Variants in UNC13B observed in about 807,000 individuals in gnomAD.
The protein encoded by UNC13B is unc-13 homolog B, also known as protein unc-13 homolog B.
In UNC13B, 144 loss-of-function variants were observed where a neutral mutation model predicts 211.0. The ratio of observed to expected loss-of-function variants is 0.68; its 90% confidence interval spans 0.60 to 0.78. The LOEUF is 0.78. Among genes scored for constraint, UNC13B ranks in the 30% least tolerant of loss-of-function variants. The probability of loss-of-function intolerance (pLI) is 0.00; values close to 1 mark genes in which losing one functional copy is unlikely to be tolerated. For synonymous variants in UNC13B, 709 were observed against 725.8 expected, an observed-to-expected ratio of 0.98 and a Z score of 0.37; for missense variants, 1,777 against 2,002.0, an observed-to-expected ratio of 0.89 and a Z score of 2.14.
chr9:35,295,852 T>G lies in UNC13B; in HGVS notation c.683T>G (p.Leu228Arg). 1 of 1,614,144 alleles carries G rather than the reference T, an allele frequency of 6.2e-7. No homozygotes were observed. The highest frequency in any genetic ancestry group is 1.3e-5 in the African/African-American group (1 of 75,024). Residue 228 changes from leucine to arginine, a missense_variant, in exon 8 of 40, where the codon CTT (leucine) becomes CGT (arginine). By Grantham distance (102) the Leu-to-Arg change is moderately radical (BLOSUM62 -2). Coordinates refer to ENST00000635942, the MANE Select transcript of UNC13B (RefSeq NM_001371189.2). ...GTGCGATCGCCACAGCAGCTGCTAC[T>G]TCAAGGCAGTTCCCGGGACTCTTGT... ...VPVRSPQQLL[L>R]QGSSRDSCND...
chr9:35,347,627 T>C (rs1832446577), intron 11 of UNC13B, among the ~76,000 whole-genome samples: 2 of 152,226 alleles, frequency 1.3e-5, no homozygotes, highest in Admixed American at 6.5e-5. Flanking sequence ...GAAGAGATTC[T>C]TGAGTTCAAA....
At chr9:35,308,533 C>G in intron 9 of UNC13B, 121 bp downstream of exon 9, 1 of 396,546 alleles carries the variant, frequency 2.5e-6, no homozygotes, top group Non-Finnish European at 4.4e-6. Context: ...TTCCTAGTAC[C>G]CGAGCTTCAT....
intron 7 of UNC13B, among the ~76,000 whole-genome samples, chr9:35,294,759 G>A (rs1033907361): frequency 2.0e-5 from 3 of 152,172 alleles, no homozygotes; most frequent in African/African-American, 7.2e-5. Flanking sequence ...ACACATAAGG[G>A]TATGGTGTCA....
intron 24 of UNC13B, among the ~76,000 whole-genome samples, chr9:35,389,054 A>T (rs1215696631): frequency 6.6e-6 from 1 of 152,216 alleles, no homozygotes; most frequent in Non-Finnish European, 1.5e-5. Flanking sequence ...TTCCAGTGAC[A>T]TATGACATCC....
chr9:35,260,532 C>T (rs1827214879), intron 7 of UNC13B, among the ~76,000 whole-genome samples: 1 of 152,110 alleles, frequency 6.6e-6, no homozygotes, highest in Admixed American at 6.6e-5. Context: ...AAAGGAAAAC[C>T]TTTGTCCATG....
intron 7 of UNC13B, among the ~76,000 whole-genome samples, chr9:35,282,810 G>A (rs1326428458): frequency 2.0e-5 from 3 of 151,784 alleles, no homozygotes; most frequent in Non-Finnish European, 4.4e-5. Flanking sequence ...TTTGTTTATT[G>A]AAGAAATCAG....
At chr9:35,263,136 C>T (rs943576989) in intron 7 of UNC13B, among the ~76,000 whole-genome samples, 3 of 152,048 alleles carry the variant, frequency 2.0e-5, no homozygotes, top group Non-Finnish European at 2.9e-5. Flanking sequence ...GACTCAGCAG[C>T]TGAATTTCTG....
At position 35,386,171 on chromosome 9, in the gene UNC13B, G is replaced by T; in HGVS notation, c.10972G>T (p.Glu3658Ter). The T allele has an allele frequency of 6.2e-7, 1 of 1,614,118 alleles. No homozygotes were observed. Among genetic ancestry groups the T allele is most frequent in the East Asian group, 2.2e-5 (1 of 44,882 alleles). Reference sequence around the variant, plus strand: ...TTCTTCTTTTAATTGGCAGGTACAAGAACTGCAAAGCCCTCCAAGAGCCAG... The same window carrying T: ...TTCTTCTTTTAATTGGCAGGTACAATAACTGCAAAGCCCTCCAAGAGCCAG... ...SITFFRMKVQ[E>*]LQSPPRASQV... The change falls in exon 24 of 40, where the codon GAA becomes TAA. Residue 3658 changes from glutamate (E) to a stop codon, truncating the protein, a stop_gained. Coordinates refer to ENST00000635942, the MANE Select transcript of UNC13B (RefSeq NM_001371189.2). LOFTEE classifies it high-confidence loss of function.
In UNC13B at chr9:35,303,311, T is replaced by C. The variant is rs1157355147; in HGVS notation, c.3907T>C (p.Leu1303=). ...HCAPSAQLGF[L]EKSMAKRQMP... Reference sequence around the variant, plus strand: ...TGCTCCAAGTGCTCAGCTAGGTTTTTTGGAGAAATCTATGGCTAAGAGGCA... The same window carrying C: ...TGCTCCAAGTGCTCAGCTAGGTTTTCTGGAGAAATCTATGGCTAAGAGGCA... Residue 1303 remains leucine (L), a synonymous_variant, in exon 9 of 40, where the codon TTG becomes CTG. Transcript: ENST00000635942. The C allele has an allele frequency of 2.5e-6, 1 of 398,660 alleles. No individual in the cohort carries two copies. Among genetic ancestry groups the C allele is most frequent in the Non-Finnish European group, 4.4e-6 (1 of 225,834 alleles). The allele number at this position is 398,660 out of a possible 1,614,324, so 24.7% of individuals were successfully genotyped here. A position where few individuals can be genotyped will look rare whatever the true frequency, so the allele number is the denominator to read the frequency against.
chr9:35,187,186 C>T (rs1409183098), intron 1 of UNC13B, among the ~76,000 whole-genome samples: 1 of 152,104 alleles, frequency 6.6e-6, no homozygotes, highest in Admixed American at 6.6e-5. Context: ...TTTTACTTGC[C>T]AAGATATAGA....
intron 9 of UNC13B, among the ~76,000 whole-genome samples, chr9:35,309,834 C>T (rs1830099493): frequency 6.6e-6 from 1 of 152,192 alleles, no homozygotes; most frequent in African/African-American, 2.4e-5. Context: ...ATCATTGTAG[C>T]ATTTATGTTG....
At chr9:35,294,931 T>C (rs1377635164) in intron 7 of UNC13B, among the ~76,000 whole-genome samples, 1 of 152,196 alleles carries the variant, frequency 6.6e-6, no homozygotes, top group Non-Finnish European at 1.5e-5. Flanking sequence ...TTCTACGAAA[T>C]TGTAGTCACT....
intron 22 of UNC13B, 72 bp downstream of exon 22, chr9:35,384,386 T>G: frequency 6.5e-7 from 1 of 1,546,944 alleles, no homozygotes; most frequent in East Asian, 2.3e-5. Context: ...TAGGCCAATC[T>G]TGGCTATAAA....
Position 35,378,330 on chromosome 9 carries a change from A to G in UNC13B, c.10099A>G (p.Thr3367Ala). 6.2e-7 allele frequency: 1 copy of G among 1,614,140 alleles called. No homozygotes were observed. Among genetic ancestry groups the G allele is most frequent in the East Asian group, 2.2e-5 (1 of 44,882 alleles). ...CCAGGGCCTACAAGCCAAGGACAAA[A>G]CAGGATCCAGTGACCCTTACGTGAC... is the stretch of plus-strand genomic sequence containing the variant. ...CAQGLQAKDK[T>A]GSSDPYVTVQ... Residue 3367 changes from threonine (T) to alanine (A), a missense_variant, in exon 17 of 40, where the codon ACA becomes GCA. By Grantham distance (58) the Thr-to-Ala change is moderately conservative (BLOSUM62 0). Coordinates refer to ENST00000635942, the MANE Select transcript of UNC13B (RefSeq NM_001371189.2).
At chr9:35,378,720 T>G (rs1442807933) in intron 17 of UNC13B, among the ~76,000 whole-genome samples, 4 of 152,144 alleles carry the variant, frequency 2.6e-5, no homozygotes, top group Non-Finnish European at 5.9e-5. Flanking sequence ...TTTACTACTT[T>G]ACTGCTCAGT....
At chr9:35,368,313 G>A in intron 12 of UNC13B, among the ~76,000 whole-genome samples, 1 of 152,174 alleles carries the variant, frequency 6.6e-6, no homozygotes, top group Admixed American at 6.5e-5. Context: ...TGCAGTGTTT[G>A]GTTTTCTGTT....
chr9:35,281,602 A>G (rs920467305), intron 7 of UNC13B, among the ~76,000 whole-genome samples: 1 of 152,234 alleles, frequency 6.6e-6, no homozygotes, highest in Non-Finnish European at 1.5e-5. Flanking sequence ...AGAGGAAATG[A>G]TATCTCAAAC....
rs188651171 is a variant in UNC13B at position 35,346,438 on chromosome 9, T to A, written c.9415-20509T>A. ...AGAGAAGGATAAAAGAATCAGCCAT[T>A]TCAAAAAACTGAGGTGTTTTCCTTT... On this transcript the variant is annotated intron_variant, in intron 11 of 39. Coordinates refer to ENST00000635942, the MANE Select transcript of UNC13B (RefSeq NM_001371189.2). 2.1e-3 allele frequency among the ~76,000 whole-genome samples: 315 copies of A among 152,314 alleles called. 2 individuals carry two copies. The highest frequency in any genetic ancestry group is 6.5e-3 in the African/African-American group (270 of 41,560).
At chr9:35,227,194 C>T (rs1008054406) in intron 1 of UNC13B, among the ~76,000 whole-genome samples, 12 of 152,132 alleles carry the variant, frequency 7.9e-5, no homozygotes, top group Admixed American at 3.9e-4. Context: ...ATGGAGAGGA[C>T]GTGTGAAAGG....
Sources: allele counts gnomAD v4.1 joint callset (sites outside exome capture counted in the v4.1 genomes callset), GRCh38; gene constraint gnomAD v4.1.1; transcripts MANE v1.5; gene names NCBI Gene and HGNC (gene_info 2026-07-23, HGNC 2026-07-21).